Variants in MLIP observed in about 807,000 individuals in gnomAD.
MLIP encodes muscular LMNA interacting protein.
A neutral mutation model predicts 84.8 loss-of-function variants in MLIP; 79 were observed. That is an observed-to-expected ratio of 0.93 (90% CI 0.78 to 1.12). MLIP has a LOEUF of 1.12. Among genes scored for constraint, MLIP ranks in the 50% most tolerant of loss-of-function variants. The probability of loss-of-function intolerance (pLI) is 0.00; values close to 1 mark genes in which losing one functional copy is unlikely to be tolerated. For missense variants in MLIP, 1,257 were observed against 1,160.6 expected (o/e 1.08, Z -1.21); for synonymous variants, 504 against 463.0 (o/e 1.09, Z -1.14).
chr6:54,225,115 T>A (rs1270609113), intron 11 of MLIP, among the ~76,000 whole-genome samples: 1 of 152,206 alleles, frequency 6.6e-6, no homozygotes, highest in African/African-American at 2.4e-5. Context: ...AGTAGTGGGA[T>A]TGCTGGATCA....
At chr6:54,258,579 A>G (rs939990238) in intron 13 of MLIP, among the ~76,000 whole-genome samples, 1 of 151,960 alleles carries the variant, frequency 6.6e-6, no homozygotes, top group Non-Finnish European at 1.5e-5. Context: ...AAATTGTAGT[A>G]ATTTACCACA....
Position 54,218,027 on chromosome 6 carries a change from G to A in MLIP, c.2719-12687G>A, listed in dbSNP as rs902388836. Reference sequence around the variant, plus strand: ...ATCTCAAACAGGGGTCACAAACTATGGTCTGTGGGCCAAACCTGGCTCACC... The same window carrying A: ...ATCTCAAACAGGGGTCACAAACTATAGTCTGTGGGCCAAACCTGGCTCACC... On this transcript the variant is annotated intron_variant, in intron 11 of 13. Coordinates refer to ENST00000502396, the MANE Select transcript of MLIP (RefSeq NM_001281747.2). 1.0e-4 allele frequency: 100 copies of A among 983,928 alleles called. No homozygotes were observed. The African/African-American group carries it at 1.7e-3, about 17-fold the overall frequency. The allele number at this position is 983,928 out of a possible 1,614,324, so 60.9% of individuals were successfully genotyped here.
At chr6:54,114,439 T>G (rs531008632) in intron 1 of MLIP, among the ~76,000 whole-genome samples, 22 of 152,352 alleles carry the variant, frequency 1.4e-4, no homozygotes, top group African/African-American at 4.8e-4. Context: ...TTGCAGTTAT[T>G]CAGTTCAAAA....
chr6:54,037,322 C>T lies in MLIP; in HGVS notation c.63+18231C>T, dbSNP rs76802040. 5.1e-4 allele frequency among the ~76,000 whole-genome samples: 77 copies of T among 152,038 alleles called. 1 individual carries two copies. The South Asian group carries it at 7.0e-3, about 14-fold the overall frequency. ...CTCTTGCTAATCTTCTATGGCTTTC[C>T]TGGACTAACTCTGTAATCCAGCACA... On this transcript the variant is annotated intron_variant, in intron 1 of 12. Transcript: ENST00000274897.
At chr6:54,047,758 A>G (rs1222072033) in intron 1 of MLIP, among the ~76,000 whole-genome samples, 4 of 152,226 alleles carry the variant, frequency 2.6e-5, no homozygotes, top group Non-Finnish European at 4.4e-5. Flanking sequence ...ATGTGTTAAG[A>G]GTTTACTCTG....
intron 1 of MLIP, among the ~76,000 whole-genome samples, chr6:54,089,943 A>G (rs1767752359): frequency 6.6e-6 from 1 of 152,098 alleles, no homozygotes; most frequent in South Asian, 2.1e-4. Context: ...CATCGTCTGC[A>G]TACACCACTA....
At chr6:54,167,639 A>G (rs1299369630) in intron 8 of MLIP, among the ~76,000 whole-genome samples, 3 of 151,858 alleles carry the variant, frequency 2.0e-5, no homozygotes, top group African/African-American at 7.3e-5. Flanking sequence ...TATGCTAGAT[A>G]TCCTATTTGA....
At chr6:54,026,451 C>T (rs760284069) in intron 1 of MLIP, among the ~76,000 whole-genome samples, 4 of 152,184 alleles carry the variant, frequency 2.6e-5, no homozygotes, top group Middle Eastern at 3.4e-3. Flanking sequence ...TTCTTTCTGG[C>T]CTCTTCTCCT....
intron 10 of MLIP, among the ~76,000 whole-genome samples, chr6:54,197,576 T>A (rs970680888): frequency 6.6e-6 from 1 of 152,014 alleles, no homozygotes; most frequent in African/African-American, 2.4e-5. Flanking sequence ...AATCTTCTCA[T>A]TTTTTTTCTT....
intron 1 of MLIP, among the ~76,000 whole-genome samples, chr6:54,022,605 T>C (rs947255907): frequency 1.3e-5 from 2 of 152,154 alleles, no homozygotes; most frequent in African/African-American, 4.8e-5. Flanking sequence ...TTTCCAAATG[T>C]CTTTAAGACT....
chr6:54,063,200 C>T (rs1766071338), intron 1 of MLIP: 1 of 143,392 alleles, frequency 7.0e-6, no homozygotes, highest in Non-Finnish European at 1.5e-5. Context: ...AAAACTCTGT[C>T]TCAGAAAAAA....
chr6:54,039,923 C>T (rs1053248308), intron 1 of MLIP, among the ~76,000 whole-genome samples: 2 of 151,900 alleles, frequency 1.3e-5, no homozygotes, highest in African/African-American at 4.8e-5. Flanking sequence ...ATTTAAAAAT[C>T]AGAAAGTGTC....
At position 54,033,768 on chromosome 6, in the gene MLIP, A is replaced by G. The variant is rs75144914; in HGVS notation, c.63+14677A>G. 2.1e-3 allele frequency among the ~76,000 whole-genome samples: 319 copies of G among 152,268 alleles called. 10 individuals are homozygous for G. The East Asian group carries it at 0.057, about 27-fold the overall frequency. On this transcript the variant is annotated intron_variant, in intron 1 of 12. Transcript: ENST00000274897. ...AAATACATACTTTGTATTTACCCCA[A>G]TGTGTAATAAACAAATAGTCAAAGA...
chr6:54,221,063 G>A (rs1390359359), intron 11 of MLIP, among the ~76,000 whole-genome samples: 1 of 152,104 alleles, frequency 6.6e-6, no homozygotes, highest in African/African-American at 2.4e-5. Context: ...CAAACTTCAA[G>A]ACGCATTAGA....
intron 4 of MLIP, 36 bp from the exon 5 acceptor site, chr6:54,149,020 T>G: frequency 6.4e-7 from 1 of 1,564,336 alleles, no homozygotes; most frequent in Non-Finnish European, 8.8e-7. Flanking sequence ...TTTCCCATTT[T>G]CATCTCTACT....
chr6:54,184,316 A>G (rs1777182572), intron 9 of MLIP, among the ~76,000 whole-genome samples: 1 of 152,208 alleles, frequency 6.6e-6, no homozygotes. Context: ...CAAAAAAAGC[A>G]TGCTAAAAGT....
chr6:54,095,715 G>A (rs985598401), intron 1 of MLIP, among the ~76,000 whole-genome samples: 1 of 152,182 alleles, frequency 6.6e-6, no homozygotes, highest in Non-Finnish European at 1.5e-5. Context: ...AATGAGCTTC[G>A]AGTGAAAGAG....
intron 12 of MLIP, among the ~76,000 whole-genome samples, chr6:54,235,620 C>T (rs562898900): frequency 6.6e-6 from 1 of 152,242 alleles, no homozygotes; most frequent in Admixed American, 6.5e-5. Flanking sequence ...CTACAACTAC[C>T]TAACTTTTTC....
intron 11 of MLIP, chr6:54,215,170 G>A (rs11757700): frequency 0.78 from 1,203,315 of 1,534,766 alleles, 480,064 homozygotes; most frequent in Non-Finnish European, 0.82. Context: ...CTACTGCAAC[G>A]GAAGTGACAC....
Sources: allele counts gnomAD v4.1 joint callset (sites outside exome capture counted in the v4.1 genomes callset), GRCh38; gene constraint gnomAD v4.1.1; transcripts MANE v1.5; gene names NCBI Gene and HGNC (gene_info 2026-07-23, HGNC 2026-07-21).